The following LRRC4C variants were observed in gnomAD, a reference collection of about 807,000 sequenced individuals.
LRRC4C encodes the protein leucine-rich repeat-containing protein 4C.
A neutral mutation model predicts 33.6 loss-of-function variants in LRRC4C; 5 were observed. The ratio of observed to expected loss-of-function variants is 0.15; its 90% CI spans 0.08 to 0.31. The LOEUF (loss-of-function observed/expected upper bound fraction) is 0.31, where lower values mean the gene tolerates loss of function less well. Ranked by LOEUF, LRRC4C falls within the 10% of genes least tolerant of loss-of-function variation. LRRC4C has a pLI of 1.00. For missense variants in LRRC4C, 560 were observed against 796.7 expected (o/e 0.70, Z 3.58); for synonymous variants, 329 against 302.0 (o/e 1.09, Z -0.93).
intron 1 of LRRC4C, among the ~76,000 whole-genome samples, chr11:41,171,644 C>G (rs531704241): frequency 7.9e-5 from 12 of 151,342 alleles, no homozygotes; most frequent in African/African-American, 2.7e-4. Context: ...GAGATATACC[C>G]TAAAACTTAA....
intron 1 of LRRC4C, among the ~76,000 whole-genome samples, chr11:41,195,067 A>G (rs1290308842): frequency 1.3e-5 from 2 of 151,802 alleles, no homozygotes; most frequent in African/African-American, 4.8e-5. Context: ...CCATCTTACT[A>G]TTGTGAAGTA....
rs116698960 is a variant in LRRC4C at position 41,176,533 on chromosome 11, A to G, written c.-495-242810T>C. Among the ~76,000 whole-genome samples the G allele has an allele frequency of 7.2e-3, 1,101 of 152,320 alleles. 8 individuals carry two copies. The highest frequency in any genetic ancestry group is 0.025 in the African/African-American group (1,029 of 41,566). The stretch of plus-strand genomic sequence containing the variant: ...AGGTGTAGTTCTAGACATGGTATAT[A>G]TAGCAGTGAAAAAATACTGGCCAAA... On this transcript the variant is annotated intron_variant, in intron 1 of 6. Transcript: ENST00000528697.
chr11:40,252,333 T>G lies in LRRC4C; in HGVS notation c.-175-10735A>C, dbSNP rs376170133. Reference sequence around the variant, plus strand: ...CACACACACAACCCTAACACATATATGTATATACATATACACATACACACA... The same window carrying G: ...CACACACACAACCCTAACACATATAGGTATATACATATACACATACACACA... On this transcript the variant is annotated intron_variant, in intron 4 of 6. Transcript: ENST00000528697. 7.9e-5 allele frequency among the ~76,000 whole-genome samples: 12 copies of G among 151,822 alleles called. 1 individual carries two copies. The South Asian group carries it at 2.1e-3, about 26-fold the overall frequency.
intron 4 of LRRC4C, among the ~76,000 whole-genome samples, chr11:40,274,424 TACACACACACAC>T (rs56027023): frequency 3.7e-4 from 51 of 139,060 alleles, no homozygotes; most frequent in East Asian, 2.3e-3. Flanking sequence ...GACACACACA[TACACACACACAC>T]ACACACACAC....
intron 2 of LRRC4C, among the ~76,000 whole-genome samples, chr11:40,796,927 T>G (rs1398729128): frequency 6.6e-6 from 1 of 152,152 alleles, no homozygotes; most frequent in Non-Finnish European, 1.5e-5. Context: ...GTTACAGGCA[T>G]GAGCCACCAC....
rs1461224693 is a variant in LRRC4C, at chr11:41,422,022, A to G, written c.-496+37409T>C. Among the ~76,000 whole-genome samples the G allele has an allele frequency of 2.0e-5, 3 of 152,224 alleles. No individual in the cohort carries two copies. In the East Asian group the frequency reaches 5.8e-4, roughly 29 times the overall value. The stretch of plus-strand genomic sequence containing the variant: ...GCCACATAATGATACTTAAAGGAAG[A>G]TAATAAAATAAACAGTAAGTAATTT... On this transcript the variant is annotated intron_variant, in intron 1 of 6. Coordinates refer to ENST00000528697, the MANE Select transcript of LRRC4C (RefSeq NM_001258419.2).
At chr11:40,355,872 A>G (rs1447173064) in intron 3 of LRRC4C, among the ~76,000 whole-genome samples, 2 of 152,142 alleles carry the variant, frequency 1.3e-5, no homozygotes, top group African/African-American at 4.8e-5. Flanking sequence ...AGAGACAATC[A>G]CTAGAAGATT....
intron 1 of LRRC4C, among the ~76,000 whole-genome samples, chr11:41,253,447 G>T (rs1948705106): frequency 6.6e-6 from 1 of 152,072 alleles, no homozygotes; most frequent in South Asian, 2.1e-4. Context: ...CTCATATCAT[G>T]AGTCTGACAA....
At chr11:41,356,535 T>G (rs967391287) in intron 1 of LRRC4C, among the ~76,000 whole-genome samples, 1 of 152,118 alleles carries the variant, frequency 6.6e-6, no homozygotes, top group African/African-American at 2.4e-5. Context: ...TCTTAAACCT[T>G]AGACTCACAT....
intron 3 of LRRC4C, among the ~76,000 whole-genome samples, chr11:40,489,140 T>C (rs12283134): frequency 0.13 from 19,355 of 152,092 alleles, 1,395 homozygotes; most frequent in African/African-American, 0.18. Flanking sequence ...CACTTCATTA[T>C]ATCCCATGCT....
At position 40,115,923 on chromosome 11, in the gene LRRC4C, C is replaced by T. The variant is rs558651997; in HGVS notation, c.370G>A (p.Ala124Thr). The T allele has an allele frequency of 1.9e-6, 3 of 1,614,092 alleles. No homozygotes were observed. The highest frequency in any genetic ancestry group is 4.5e-5 in the East Asian group (2 of 44,866). The change falls in exon 7 of 7, where the codon GCG becomes ACG. Residue 124 changes from alanine (A) to threonine (T), a missense_variant. Physicochemically the swap from Ala to Thr is moderately conservative, Grantham distance 58. Around this residue, in one of 3 missense-constraint regions of LRRC4C, gnomAD observed 455 missense variants for 643.8 expected, o/e 0.71. Coordinates refer to ENST00000528697, the MANE Select transcript of LRRC4C (RefSeq NM_001258419.2). This position sits in a 1 kb window ranked among gnomAD's most constrained non-coding sequence, Gnocchi z 6.7. ...AAGAGTTCCAGAGTGTTGAGGTTCG[C>T]CAGACCATTGAAAGCCCCAATTTCA... ...TIEIGAFNGL[A>T]NLNTLELFDN... is the part of the protein sequence containing the mutation.
At chr11:41,160,711 C>G (rs1944431409) in intron 1 of LRRC4C, among the ~76,000 whole-genome samples, 1 of 152,004 alleles carries the variant, frequency 6.6e-6, no homozygotes, top group African/African-American at 2.4e-5. Context: ...AATATTTGTC[C>G]TTTCAGAATT....
At chr11:40,524,660 A>G (rs1196331911) in intron 3 of LRRC4C, among the ~76,000 whole-genome samples, 1 of 152,208 alleles carries the variant, frequency 6.6e-6, no homozygotes, top group African/African-American at 2.4e-5. Flanking sequence ...TGTTTGGCTC[A>G]TTTCTGTATC....
rs140081687 is a variant in LRRC4C at position 40,699,230 on chromosome 11, T to C, written c.-406-50952A>G. Among the ~76,000 whole-genome samples the C allele has an allele frequency of 5.9e-3, 894 of 152,338 alleles. 9 individuals are homozygous for C. Among genetic ancestry groups the C allele is most frequent in the African/African-American group, 0.02 (835 of 41,578 alleles). ...ATAAGGAATATGTAGCGAATTTTCT[T>C]TATTCTCTTGATAGTCATAGACCTA... On this transcript the variant is annotated intron_variant, in intron 2 of 6. Coordinates refer to ENST00000528697, the MANE Select transcript of LRRC4C (RefSeq NM_001258419.2).
chr11:40,949,519 C>T (rs1168656540), intron 1 of LRRC4C, among the ~76,000 whole-genome samples: 15 of 152,032 alleles, frequency 9.9e-5, no homozygotes, highest in South Asian at 2.1e-4. Context: ...GCGGATCTCT[C>T]GGCAGAAACT....
At chr11:41,367,677 CG>C (rs1468542879) in intron 1 of LRRC4C, among the ~76,000 whole-genome samples, 3 of 152,080 alleles carry the variant, frequency 2.0e-5, no homozygotes, top group Admixed American at 2.0e-4. Flanking sequence ...CTTCTTCATA[CG>C]GTTTTCTTTT....
intron 3 of LRRC4C, among the ~76,000 whole-genome samples, chr11:40,406,189 T>C (rs1949958274): frequency 6.6e-6 from 1 of 152,098 alleles, no homozygotes; most frequent in South Asian, 2.1e-4. Flanking sequence ...AAGTGAATAT[T>C]TCCTGTATTT....
intron 1 of LRRC4C, among the ~76,000 whole-genome samples, chr11:41,111,950 T>C (rs1291055616): frequency 6.6e-6 from 1 of 151,870 alleles, no homozygotes; most frequent in Admixed American, 6.6e-5. Context: ...CATAGAAAGG[T>C]CTAGCAGAAG....
At chr11:40,363,422 G>T (rs1948057125) in intron 3 of LRRC4C, among the ~76,000 whole-genome samples, 1 of 152,142 alleles carries the variant, frequency 6.6e-6, no homozygotes, top group African/African-American at 2.4e-5. Context: ...TGAAGGCTGG[G>T]AGGAGGGAGA....
Sources: gnomAD v4.1 joint callset for allele counts (sites outside exome capture counted in the v4.1 genomes callset) on GRCh38, gnomAD v4.1.1 for gene constraint, gnomAD v4.1.1 regional missense constraint, Gnocchi (gnomAD v3.1) non-coding constraint, MANE v1.5 for transcripts, NCBI Gene and HGNC (gene_info 2026-07-23, HGNC 2026-07-21) for gene names.